EMC2: variants seen among roughly 807,000 people sequenced by gnomAD.
EMC2 encodes the protein TPR repeat protein 35.
Under a neutral mutation model 51.6 loss-of-function variants are expected in EMC2, and 37 were observed. The ratio of observed to expected loss-of-function variants is 0.72; its 90% CI spans 0.55 to 0.94. The LOEUF (loss-of-function observed/expected upper bound fraction) is 0.94, where lower values mean the gene tolerates loss of function less well. Ranked by LOEUF, EMC2 falls within the 40% of genes least tolerant of loss-of-function variation. EMC2 has a pLI of 0.00. For missense variants in EMC2, 359 were observed against 350.9 expected (o/e 1.02, Z -0.18); for synonymous variants, 131 against 112.4 (o/e 1.17, Z -1.04).
chr8:108,486,568 G>T lies in EMC2; in HGVS notation c.864G>T (p.Met288Ile). 1 of 1,588,544 alleles carries T rather than the reference G, an allele frequency of 6.3e-7. No homozygotes were observed. The highest frequency in any genetic ancestry group is 8.6e-7 in the Non-Finnish European group (1 of 1,166,898). ...ATTCTCTTAAGGCTGTCGAAGACAT[G>T]TTGGAAACATTGCAGATCACCCAGT... The part of the protein sequence containing the change: ...TKYSLKAVED[M>I]LETLQITQS Residue 288 changes from methionine to isoleucine, a missense_variant, in exon 11 of 11, where the codon ATG becomes ATT. By Grantham distance (10) the Met-to-Ile change is conservative. Coordinates refer to ENST00000220853, the MANE Select transcript of EMC2 (RefSeq NM_014673.5).
At chr8:108,462,220 C>CAT (rs1819344574) in intron 5 of EMC2, among the ~76,000 whole-genome samples, 1 of 99,366 alleles carries the variant, frequency 1.0e-5, no homozygotes, top group Non-Finnish European at 2.6e-5. Context: ...GTTTTGTGTG[C>CAT]GTGTGTGTGT....
intron 7 of EMC2, among the ~76,000 whole-genome samples, chr8:108,473,595 A>G (rs1810897613): frequency 1.3e-5 from 2 of 152,092 alleles, no homozygotes; most frequent in Non-Finnish European, 1.5e-5. Context: ...TACAGCAAGG[A>G]ACAGTTAGTA....
intron 5 of EMC2, among the ~76,000 whole-genome samples, chr8:108,467,544 T>G (rs1810755293): frequency 6.6e-6 from 1 of 152,124 alleles, no homozygotes; most frequent in Non-Finnish European, 1.5e-5. Context: ...GGCATTTGTA[T>G]GCAATATTTT....
At chr8:108,447,931 A>T (rs569863506) in intron 1 of EMC2, among the ~76,000 whole-genome samples, 42 of 152,146 alleles carry the variant, frequency 2.8e-4, no homozygotes, top group Middle Eastern at 3.4e-3. Flanking sequence ...AGATTTTTTT[A>T]AAAAATAAAA....
chr8:108,453,265 A>G, intron 4 of EMC2, 118 bp downstream of exon 4: 1 of 465,456 alleles, frequency 2.1e-6, no homozygotes, highest in Non-Finnish European at 3.9e-6. Flanking sequence ...TATGGCTTTA[A>G]TTTACATTTT....
chr8:108,479,609 G>A (rs1168127911), intron 10 of EMC2, among the ~76,000 whole-genome samples: 1 of 151,956 alleles, frequency 6.6e-6, no homozygotes, highest in Non-Finnish European at 1.5e-5. Flanking sequence ...AGATTTTTTA[G>A]GAAATTATTT....
chr8:108,452,942 A>G (rs1819062743), intron 3 of EMC2, 120 bp from the exon 4 acceptor site: 1 of 464,064 alleles, frequency 2.2e-6, no homozygotes, highest in Admixed American at 4.2e-5. Flanking sequence ...ATTTCACTTC[A>G]TGTTATTAGA....
intron 4 of EMC2, among the ~76,000 whole-genome samples, chr8:108,454,949 C>T (rs1440593401): frequency 6.6e-6 from 1 of 151,950 alleles, no homozygotes; most frequent in Non-Finnish European, 1.5e-5. Context: ...AATTCTTATC[C>T]TTGTACCTGT....
At chr8:108,450,389 TATTAA>T in intron 2 of EMC2, 34 bp from the exon 3 acceptor site, 1 of 1,201,752 alleles carries the variant, frequency 8.3e-7, no homozygotes, top group Non-Finnish European at 1.2e-6. Context: ...TTTGTTTTAA[TATTAA>T]ATTCAGTTTT....
chr8:108,450,554 CTT>C (rs1818991831), intron 3 of EMC2, 62 bp downstream of exon 3: 10 of 998,796 alleles, frequency 1.0e-5, no homozygotes, highest in Non-Finnish European at 1.6e-5. Flanking sequence ...GTAGTTAAGA[CTT>C]AATGTATGGC....
chr8:108,448,419 A>G (rs982839362), intron 1 of EMC2, among the ~76,000 whole-genome samples: 1 of 151,728 alleles, frequency 6.6e-6, no homozygotes, highest in Non-Finnish European at 1.5e-5. Context: ...CATAATTCCC[A>G]TGTGTTGAGG....
At chr8:108,473,402 T>C (rs1297782513) in intron 7 of EMC2, among the ~76,000 whole-genome samples, 1 of 152,046 alleles carries the variant, frequency 6.6e-6, no homozygotes, top group Non-Finnish European at 1.5e-5. Context: ...TTGGGATTTT[T>C]GCGTTAGGGA....
At chr8:108,485,614 A>G (rs1811125208) in intron 10 of EMC2, among the ~76,000 whole-genome samples, 1 of 147,218 alleles carries the variant, frequency 6.8e-6, no homozygotes. Flanking sequence ...AGGAACACTT[A>G]CTTATCTAGT....
Position 108,450,068 on chromosome 8 carries a change from A to G in EMC2, c.154+132A>G, listed in dbSNP as rs1228223108. 8 of 533,578 alleles carry G rather than the reference A, an allele frequency of 1.5e-5. No individual in the cohort carries two copies. The East Asian group carries it at 2.2e-4, about 15-fold the overall frequency. The allele number at this position is 533,578 out of a possible 1,614,324, so 33.1% of individuals were successfully genotyped here. On this transcript the variant is annotated intron_variant, in intron 2 of 10. Transcript: ENST00000220853. ...TTCTTTGTGACTTTTTGTCCCAAGAATTTTAATGATAGTTTATTTTGAGAA... is the reference window on the plus strand; with the variant it reads ...TTCTTTGTGACTTTTTGTCCCAAGAGTTTTAATGATAGTTTATTTTGAGAA...
intron 1 of EMC2, among the ~76,000 whole-genome samples, chr8:108,449,599 A>G (rs1818966905): frequency 1.3e-5 from 2 of 152,068 alleles, no homozygotes; most frequent in Non-Finnish European, 2.9e-5. Flanking sequence ...GATAGTCATA[A>G]TACCAGTTGT....
chr8:108,477,562 G>A (rs1228902216), intron 9 of EMC2, among the ~76,000 whole-genome samples: 1 of 151,882 alleles, frequency 6.6e-6, no homozygotes, highest in South Asian at 2.1e-4. Flanking sequence ...TCTTGTTGCA[G>A]CTCAGTGAAA....
intron 5 of EMC2, among the ~76,000 whole-genome samples, chr8:108,459,759 T>A (rs1222650718): frequency 2.2e-4 from 34 of 151,736 alleles, no homozygotes; most frequent in African/African-American, 6.5e-4. Flanking sequence ...TGTGTGATTG[T>A]TTTGTTCTAG....
At chr8:108,457,872 T>G (rs1378693936) in intron 5 of EMC2, among the ~76,000 whole-genome samples, 1 of 152,202 alleles carries the variant, frequency 6.6e-6, no homozygotes, top group East Asian at 1.9e-4. Context: ...ATTTCAACAT[T>G]AATTCAGAAG....
At position 108,443,669 on chromosome 8, in the gene EMC2, T is replaced by C. The variant is rs945751334; in HGVS notation, c.11T>C (p.Val4Ala). MAK[V>A]SELYDVTWEE... ...CTAGGTTCTGGGAAGATGGCGAAGG[T>C]CTCAGAGCTTTACGATGTCACTTGG... The change falls in exon 1 of 11, where the codon GTC (valine) becomes GCC (alanine). Residue 4 changes from valine to alanine, a missense_variant. Val to Ala is a moderately conservative substitution (Grantham distance 64). Coordinates refer to ENST00000220853, the MANE Select transcript of EMC2 (RefSeq NM_014673.5). 5 of 1,609,586 alleles carry C rather than the reference T, an allele frequency of 3.1e-6. No individual in the cohort carries two copies. In the African/African-American group the frequency reaches 5.3e-5, roughly 17 times the overall value.
Sources: gnomAD v4.1 joint callset for allele counts (sites outside exome capture counted in the v4.1 genomes callset) on GRCh38, gnomAD v4.1.1 for gene constraint, MANE v1.5 for transcripts, NCBI Gene and HGNC (gene_info 2026-07-23, HGNC 2026-07-21) for gene names.